The following LINGO2 variants were observed in gnomAD, a reference collection of about 807,000 sequenced individuals.
LINGO2 encodes the protein leucine rich repeat and Ig domain containing 2, also known as leucine-rich repeat and immunoglobulin-like domain-containing nogo receptor-interacting protein 2.
LINGO2 carries 14 observed loss-of-function variants against 30.6 expected under a neutral mutation model. That is an observed-to-expected ratio of 0.46 (90% confidence interval 0.30 to 0.72). The LOEUF is 0.72. Ranked by LOEUF, LINGO2 falls within the 30% of genes least tolerant of loss-of-function variation. The pLI, the probability that LINGO2 is intolerant of heterozygous loss-of-function variation, is 0.07. For synonymous variants in LINGO2, 317 were observed against 288.5 expected, an observed-to-expected ratio of 1.10 and a Z score of -1.00; for missense variants, 729 against 751.7, an observed-to-expected ratio of 0.97 and a Z score of 0.35.
downstream of LINGO2, among the ~76,000 whole-genome samples, chr9:27,946,469 C>A (rs1823368326): frequency 6.6e-6 from 1 of 152,128 alleles, no homozygotes; most frequent in Non-Finnish European, 1.5e-5. Context: ...TTTCACTCAG[C>A]TGTTTTTGGC....
the LINGO2 span, among the ~76,000 whole-genome samples, chr9:29,183,665 T>A: frequency 2.6e-5 from 4 of 152,190 alleles, no homozygotes; most frequent in Non-Finnish European, 4.4e-5. Context: ...GTCTTACATA[T>A]GTTAAAAGAA....
the LINGO2 span, among the ~76,000 whole-genome samples, chr9:28,954,066 C>T: frequency 1.3e-5 from 2 of 152,106 alleles, no homozygotes; most frequent in Admixed American, 1.3e-4. Flanking sequence ...TATGGTAGCA[C>T]AAAGAATTTT....
At chr9:28,373,074 T>C (rs1820967440) in intron 2 of LINGO2, among the ~76,000 whole-genome samples, 1 of 152,162 alleles carries the variant, frequency 6.6e-6, no homozygotes, top group African/African-American at 2.4e-5. Flanking sequence ...TTTTACTTTT[T>C]AAATTTTGTC....
chr9:28,526,212 A>G (rs1486339545), intron 1 of LINGO2, among the ~76,000 whole-genome samples: 2 of 152,196 alleles, frequency 1.3e-5, no homozygotes, highest in Non-Finnish European at 2.9e-5. Context: ...ATATTCTGGA[A>G]GAATGTTACT....
At chr9:28,797,359 T>TATATATATATATATATAGAG in the LINGO2 span, among the ~76,000 whole-genome samples, 2 of 34,212 alleles carry the variant, frequency 5.8e-5, no homozygotes, top group Non-Finnish European at 1.1e-4. Context: ...TATATATATA[T>TATATATATATATATATAGAG]AGAGAGAGAG....
At chr9:29,162,511 T>C in the LINGO2 span, among the ~76,000 whole-genome samples, 1 of 152,138 alleles carries the variant, frequency 6.6e-6, no homozygotes, top group African/African-American at 2.4e-5. Flanking sequence ...GAGCACAGTA[T>C]ATGTTCATCA....
chr9:28,326,311 T>A (rs1825228060), intron 3 of LINGO2, among the ~76,000 whole-genome samples: 2 of 152,214 alleles, frequency 1.3e-5, no homozygotes, highest in East Asian at 3.9e-4. Context: ...GGCCACAAAC[T>A]GTTTTTATAA....
rs183069196 is a variant in LINGO2 at position 27,982,483 on chromosome 9, T to C, written c.-36+29872A>G. On this transcript the variant is annotated intron_variant, in intron 5 of 5. Coordinates refer to ENST00000379992, the Ensembl canonical transcript of LINGO2. ...CAGCAACTAATATTTATTAAGTGTTTCCTACATATCAGGTTCTAAGAACTT... is the reference window on the plus strand; with the variant it reads ...CAGCAACTAATATTTATTAAGTGTTCCCTACATATCAGGTTCTAAGAACTT... Among the ~76,000 whole-genome samples, 308 of 151,974 alleles carry C rather than the reference T, an allele frequency of 2.0e-3. 2 individuals carry two copies. The highest frequency in any genetic ancestry group is 3.6e-3 in the Non-Finnish European group (244 of 67,868).
At chr9:28,621,038 A>G (rs1242033611) in intron 1 of LINGO2, among the ~76,000 whole-genome samples, 1 of 152,096 alleles carries the variant, frequency 6.6e-6, no homozygotes, top group Non-Finnish European at 1.5e-5. Flanking sequence ...ATTTATTTGG[A>G]TATATGTGTC....
intron 1 of LINGO2, among the ~76,000 whole-genome samples, chr9:28,626,165 A>G (rs1194091312): frequency 6.6e-6 from 1 of 152,102 alleles, no homozygotes; most frequent in African/African-American, 2.4e-5. Context: ...CACTGCCCTG[A>G]TGACTAATAT....
chr9:28,479,719 A>G lies in LINGO2; in HGVS notation c.-364-3694T>C, dbSNP rs547417275. ...TGTCTTTTCAGCAAAATTTCCAAAC[A>G]ACAATGTATTTCAGGAACATGTGTC... On this transcript the variant is annotated intron_variant, in intron 1 of 5. Transcript: ENST00000379992. Among the ~76,000 whole-genome samples the G allele has an allele frequency of 1.8e-4, 27 of 151,326 alleles. No individual in the cohort carries two copies. In the South Asian group the frequency reaches 5.4e-3, roughly 30 times the overall value.
chr9:29,205,197 C>T, the LINGO2 span, among the ~76,000 whole-genome samples: 104 of 152,162 alleles, frequency 6.8e-4, no homozygotes, highest in African/African-American at 2.3e-3. Context: ...CACACCACCA[C>T]ACTCAGATAA....
At chr9:28,387,330 C>T (rs943218891) in intron 2 of LINGO2, among the ~76,000 whole-genome samples, 1 of 152,064 alleles carries the variant, frequency 6.6e-6, no homozygotes, top group Non-Finnish European at 1.5e-5. Flanking sequence ...CCAATTGGCG[C>T]TCTGTGTCTA....
chr9:28,154,341 C>T (rs935198398), intron 4 of LINGO2, among the ~76,000 whole-genome samples: 1 of 152,130 alleles, frequency 6.6e-6, no homozygotes, highest in Non-Finnish European at 1.5e-5. Context: ...AAGTTCACCC[C>T]CTTCTCTGTT....
chr9:28,066,698 C>T (rs1484936214), intron 4 of LINGO2, among the ~76,000 whole-genome samples: 1 of 152,084 alleles, frequency 6.6e-6, no homozygotes, highest in African/African-American at 2.4e-5. Flanking sequence ...CCAAGACTGA[C>T]TTAACAAGAT....
intron 4 of LINGO2, among the ~76,000 whole-genome samples, chr9:28,075,258 A>G (rs1246701709): frequency 6.6e-6 from 1 of 152,012 alleles, no homozygotes; most frequent in Non-Finnish European, 1.5e-5. Flanking sequence ...TCTACCCAAC[A>G]TACTGTTTAT....
At chr9:28,587,332 A>C (rs1183437672) in intron 1 of LINGO2, among the ~76,000 whole-genome samples, 2 of 152,044 alleles carry the variant, frequency 1.3e-5, no homozygotes, top group African/African-American at 4.8e-5. Flanking sequence ...AAAGGCATAA[A>C]AAACTTCAGC....
chr9:27,975,699 C>A (rs1038437941), intron 5 of LINGO2, among the ~76,000 whole-genome samples: 1 of 151,846 alleles, frequency 6.6e-6, no homozygotes, highest in African/African-American at 2.4e-5. Flanking sequence ...TTTAAAAAAC[C>A]TTGTTATTGG....
chr9:28,238,405 A>C (rs1489350228), intron 4 of LINGO2, among the ~76,000 whole-genome samples: 1 of 152,172 alleles, frequency 6.6e-6, no homozygotes, highest in Non-Finnish European at 1.5e-5. Context: ...TCACAAAAAG[A>C]GTTTTAAAAC....
Sources: allele counts gnomAD v4.1 joint callset (sites outside exome capture counted in the v4.1 genomes callset), GRCh38; gene constraint gnomAD v4.1.1; transcripts MANE v1.5; gene names NCBI Gene and HGNC (gene_info 2026-07-23, HGNC 2026-07-21).